WDR33: variants seen among roughly 807,000 people sequenced by gnomAD.
WDR33 encodes WD repeat domain 33.
WDR33 carries 47 observed loss-of-function variants against 164.9 expected under a neutral mutation model. The observed-to-expected ratio is 0.29, with a 90% CI of 0.23 to 0.36. The LOEUF is 0.36. Ranked by LOEUF, WDR33 falls within the 10% of genes least tolerant of loss-of-function variation. The pLI is 1.00. For synonymous variants in WDR33, 505 were observed against 589.0 expected, an observed-to-expected ratio of 0.86 and a Z score of 2.06; for missense variants, 1,137 against 1,754.1, an observed-to-expected ratio of 0.65 and a Z score of 6.28.
intron 1 of WDR33, among the ~76,000 whole-genome samples, chr2:127,809,912 T>C (rs572307096): frequency 2.8e-4 from 43 of 152,102 alleles, no homozygotes; most frequent in Non-Finnish European, 5.0e-4. Flanking sequence ...AAAAGTATCT[T>C]ACAGTAATAA....
intron 1 of WDR33, among the ~76,000 whole-genome samples, chr2:127,786,842 T>C (rs1453850243): frequency 8.6e-6 from 1 of 116,582 alleles, no homozygotes; most frequent in African/African-American, 3.8e-5. Context: ...TTCCTTTCTG[T>C]TCTTTTTTTT....
rs576644864 is a variant in WDR33 at position 127,719,044 on chromosome 2, A to T, written c.2760+221T>A. The stretch of plus-strand genomic sequence containing the variant: ...TATTACCAAAAAAAGAAAAATGGTG[A>T]GAAGTAAAAATGAATACTGAGATGT... On this transcript the variant is annotated intron_variant, in intron 16 of 21. Transcript: ENST00000322313. The surrounding 1 kb of genome is among the most constrained non-coding windows in gnomAD (Gnocchi z 6.5). 3.9e-5 allele frequency among the ~76,000 whole-genome samples: 6 copies of T among 152,374 alleles called. No individual in the cohort carries two copies. The highest frequency in any genetic ancestry group is 3.3e-4 in the Admixed American group (5 of 15,310).
intron 1 of WDR33, among the ~76,000 whole-genome samples, chr2:127,801,152 C>T (rs1192415607): frequency 3.3e-5 from 5 of 151,074 alleles, no homozygotes; most frequent in African/African-American, 1.2e-4. Context: ...GGCATGGTGA[C>T]ATACACCTGT....
Position 127,702,322 on chromosome 2 carries a change from G to C in WDR33, c.*4001C>G. ...AGCCTGCGAGTCTAATCCGGGAGCG[G>C]CTGCTGCCAGCGGAGGCGACAGCAG... On this transcript the variant is annotated 3_prime_UTR_variant, in exon 22 of 22. Transcript: ENST00000322313. 1 of 863,466 alleles carries C rather than the reference G, an allele frequency of 1.2e-6. No individual in the cohort carries two copies. The highest frequency in any genetic ancestry group is 1.5e-6 in the Non-Finnish European group (1 of 662,762). The allele number at this position is 863,466 out of a possible 1,614,324, so 53.5% of individuals were successfully genotyped here.
chr2:127,764,112 T>A lies in WDR33; in HGVS notation c.626+716A>T. 1 of 989,214 alleles carries A rather than the reference T, an allele frequency of 1.0e-6. No homozygotes were observed. Among genetic ancestry groups the A allele is most frequent in the Non-Finnish European group, 1.2e-6 (1 of 832,728 alleles). 61.3% of individuals were successfully genotyped at this position (989,214 alleles called of 1,614,324 possible). A position where few individuals can be genotyped will look rare whatever the true frequency, so the allele number is the denominator to read the frequency against. On this transcript the variant is annotated intron_variant, in intron 6 of 21. Transcript: ENST00000322313. The surrounding 1 kb of genome is among the most constrained non-coding windows in gnomAD (Gnocchi z 6.2). ...TTCTTCAGGCTTGTATTTGGAACTT[T>A]TTCCCCCAGTTTTACTATACATACC...
At chr2:127,804,488 C>T (rs1033949162) in intron 1 of WDR33, among the ~76,000 whole-genome samples, 1 of 151,590 alleles carries the variant, frequency 6.6e-6, no homozygotes, top group Non-Finnish European at 1.5e-5. Context: ...TGTTCTTGAG[C>T]AGAGAAGTGC....
chr2:127,739,816 T>TG (rs1686961115), intron 7 of WDR33, among the ~76,000 whole-genome samples: 2 of 152,190 alleles, frequency 1.3e-5, no homozygotes. Flanking sequence ...GAACAGAGTA[T>TG]GGGAAAGCAG....
chr2:127,767,599 C>T (rs978018684), intron 4 of WDR33, among the ~76,000 whole-genome samples: 4 of 152,048 alleles, frequency 2.6e-5, no homozygotes, highest in African/African-American at 7.2e-5. Flanking sequence ...CCTGTAGTCC[C>T]AGCTACTAGG....
Position 127,716,445 on chromosome 2 carries a change from C to G in WDR33, c.2869+710G>C, listed in dbSNP as rs762159432. 1.3e-5 allele frequency among the ~76,000 whole-genome samples: 2 copies of G among 152,134 alleles called. No individual in the cohort carries two copies. The highest frequency in any genetic ancestry group is 2.4e-5 in the African/African-American group (1 of 41,408). ...TGTCGAACATAACACAGTGTTTCCT[C>G]TCACTCCCCTCCATCCACTCCGAGT... On this transcript the variant is annotated intron_variant, in intron 17 of 21. Coordinates refer to ENST00000322313, the MANE Select transcript of WDR33 (RefSeq NM_018383.5). This position sits in a 1 kb window ranked among gnomAD's most constrained non-coding sequence, Gnocchi z 4.5.
Position 127,717,344 on chromosome 2 carries a change from G to A in WDR33, c.2761-81C>T. ...TAGTGATTGCATTATAACATGACAA[G>A]ATAAAAATACCCAGTAAATATTTAC... On this transcript the variant is annotated intron_variant, in intron 16 of 21. Transcript: ENST00000322313. This position sits in a 1 kb window ranked among gnomAD's most constrained non-coding sequence, Gnocchi z 5.6. 8.5e-7 allele frequency: 1 copy of A among 1,171,682 alleles called. No homozygotes were observed. The highest frequency in any genetic ancestry group is 1.6e-5 in the South Asian group (1 of 62,054). The allele number at this position is 1,171,682 out of a possible 1,614,324, so 72.6% of individuals were successfully genotyped here. A position where few individuals can be genotyped will look rare whatever the true frequency, so the allele number is the denominator to read the frequency against.
rs1041983147 is a variant in WDR33 at position 127,780,164 on chromosome 2, G to A, written c.-23-9160C>T. On this transcript the variant is annotated intron_variant, in intron 1 of 21. Transcript: ENST00000322313. ...AATTTTTTGTACTTTTAGTAGAGAC[G>A]GGGTTTCACCGTGTTAGCCAGGATG... Among the ~76,000 whole-genome samples, 14 of 151,996 alleles carry A rather than the reference G, an allele frequency of 9.2e-5. No individual in the cohort carries two copies. The East Asian group carries it at 1.7e-3, about 19-fold the overall frequency.
At chr2:127,750,699 T>TGTATGCATAC (rs1184751949) in intron 7 of WDR33, among the ~76,000 whole-genome samples, 1 of 57,546 alleles carries the variant, frequency 1.7e-5, no homozygotes, top group African/African-American at 1.0e-4. Flanking sequence ...TATATATATA[T>TGTATGCATAC]ATATATATAT....
At chr2:127,747,613 G>A (rs3887981) in intron 7 of WDR33, among the ~76,000 whole-genome samples, 3,246 of 152,212 alleles carry the variant, frequency 0.021, 126 homozygotes, top group African/African-American at 0.075. Context: ...AAAACTAGTG[G>A]TACTATCTGA....
At chr2:127,766,528 G>C (rs2105438079) in intron 4 of WDR33, among the ~76,000 whole-genome samples, 1 of 152,188 alleles carries the variant, frequency 6.6e-6, no homozygotes, top group East Asian at 1.9e-4. Context: ...AATACCTTTT[G>C]ATTTTGACTG....
At chr2:127,786,640 C>A (rs188506435) in intron 1 of WDR33, among the ~76,000 whole-genome samples, 2 of 152,058 alleles carry the variant, frequency 1.3e-5, no homozygotes, top group Non-Finnish European at 2.9e-5. Flanking sequence ...GCCAAGATTG[C>A]GTCACTGCAC....
intron 1 of WDR33, among the ~76,000 whole-genome samples, chr2:127,797,205 TA>T (rs1689070282): frequency 6.6e-6 from 1 of 150,448 alleles, no homozygotes; most frequent in Admixed American, 6.7e-5. Flanking sequence ...TCAAAGACAT[TA>T]AACCAGGCCA....
At chr2:127,730,114 A>G (rs1362416839) in intron 7 of WDR33, among the ~76,000 whole-genome samples, 3 of 152,202 alleles carry the variant, frequency 2.0e-5, no homozygotes, top group Non-Finnish European at 4.4e-5. Flanking sequence ...GTAATTTTTC[A>G]ACTTTGAAAC....
chr2:127,713,815 C>T lies in WDR33; in HGVS notation c.3076G>A (p.Gly1026Ser). Reference sequence around the variant, plus strand: ...CCCTCAAATTCACGTAACCGGTGGCCAAAGCGCTTGTCAGGGTGGAAGTCA... The same window carrying T: ...CCCTCAAATTCACGTAACCGGTGGCTAAAGCGCTTGTCAGGGTGGAAGTCA... ...PDDFHPDKRF[G>S]HRLREFEGRG... The change falls in exon 18 of 22, where the codon GGC (glycine) becomes AGC (serine). Residue 1026 changes from glycine (G) to serine (S), a missense_variant. Physicochemically the swap from Gly to Ser is moderately conservative, Grantham distance 56. Around this residue, in one of 9 missense-constraint regions of WDR33, gnomAD observed 867 missense variants for 1,073.0 expected, o/e 0.81. Coordinates refer to ENST00000322313, the MANE Select transcript of WDR33 (RefSeq NM_018383.5). The surrounding 1 kb of genome is among the most constrained non-coding windows in gnomAD (Gnocchi z 6.2). 6.2e-7 allele frequency: 1 copy of T among 1,614,238 alleles called. No individual in the cohort carries two copies. The highest frequency in any genetic ancestry group is 8.5e-7 in the Non-Finnish European group (1 of 1,180,046).
Position 127,737,933 on chromosome 2 carries a change from C to A in WDR33, c.725-11156G>T, listed in dbSNP as rs79249066. On this transcript the variant is annotated intron_variant, in intron 7 of 21. Coordinates refer to ENST00000322313, the MANE Select transcript of WDR33 (RefSeq NM_018383.5). ...AACTGTAATTTGAATCTATGTTTTG[C>A]CAGAATCTTCTTGGGTATATTCACA... 4,061 of 1,572,212 alleles carry A rather than the reference C, an allele frequency of 2.6e-3. 111 individuals carry two copies. The African/African-American group carries it at 0.051, about 20-fold the overall frequency.
Sources: gnomAD v4.1 joint callset for allele counts (sites outside exome capture counted in the v4.1 genomes callset) on GRCh38, gnomAD v4.1.1 for gene constraint, gnomAD v4.1.1 regional missense constraint, Gnocchi (gnomAD v3.1) non-coding constraint, MANE v1.5 for transcripts, NCBI Gene and HGNC (gene_info 2026-07-23, HGNC 2026-07-21) for gene names.